The following HOOK3 variants were observed in gnomAD, a reference collection of about 807,000 sequenced individuals.
The protein encoded by HOOK3 is hook microtubule tethering protein 3.
A neutral mutation model predicts 116.3 loss-of-function variants in HOOK3; 24 were observed. The observed-to-expected ratio is 0.21, with a 90% CI of 0.15 to 0.29. HOOK3 has a LOEUF of 0.29. Among genes scored for constraint, HOOK3 ranks in the 10% least tolerant of loss-of-function variants. HOOK3 has a pLI of 1.00. For missense variants in HOOK3, 632 were observed against 830.2 expected, an observed-to-expected ratio of 0.76 and a Z score of 2.93; for synonymous variants, 275 against 283.0, an observed-to-expected ratio of 0.97 and a Z score of 0.28.
intron 3 of HOOK3, among the ~76,000 whole-genome samples, chr8:42,928,245 C>T (rs1470011043): frequency 1.3e-5 from 2 of 151,824 alleles, no homozygotes; most frequent in Non-Finnish European, 2.9e-5. Flanking sequence ...CGCCACTGCA[C>T]TCCAGCCTGG....
At chr8:42,986,181 T>C (rs1337994131) in intron 14 of HOOK3, among the ~76,000 whole-genome samples, 1 of 152,228 alleles carries the variant, frequency 6.6e-6, no homozygotes, top group Non-Finnish European at 1.5e-5. Context: ...TCCAGTAACC[T>C]GATTGTAATG....
chr8:43,027,598 A>T lies in HOOK3; in HGVS notation c.*9100A>T, dbSNP rs1360963418. 4.2e-6 allele frequency: 1 copy of T among 235,704 alleles called. No individual in the cohort carries two copies. The highest frequency in any genetic ancestry group is 8.6e-6 in the Non-Finnish European group (1 of 116,116). 14.6% of individuals were successfully genotyped at this position (235,704 alleles called of 1,614,324 possible). On this transcript the variant is annotated 3_prime_UTR_variant, in exon 22 of 22. Transcript: ENST00000307602. ...TGCTTTTTTTCTCTCCCAAATTAGA[A>T]AATTAAAAGTGAAACATAACACATA...
chr8:43,017,063 A>G (rs181896111), intron 21 of HOOK3, among the ~76,000 whole-genome samples: 26 of 152,318 alleles, frequency 1.7e-4, no homozygotes, highest in African/African-American at 6.0e-4. Flanking sequence ...TTCCCTAGAA[A>G]CCAGCTAGTG....
chr8:42,940,648 G>A (rs942043215), intron 4 of HOOK3, among the ~76,000 whole-genome samples: 1 of 152,184 alleles, frequency 6.6e-6, no homozygotes, highest in Non-Finnish European at 1.5e-5. Context: ...CCCTTTGTGG[G>A]CAACCCGACT....
In HOOK3 at chr8:42,973,358, C is replaced by A; in HGVS notation, c.1192C>A (p.Arg398=). The change falls in exon 12 of 22, where the codon CGG becomes AGG. Residue 398 remains arginine, a synonymous_variant. Coordinates refer to ENST00000307602, the MANE Select transcript of HOOK3 (RefSeq NM_032410.4). ...KADKLDFEYK[R]LKEKVDSLQK... ...AGATAAACTAGATTTTGAATATAAG[C>A]GGCTAAAAGAAAAAGTTGACAGTCT... 1.9e-6 allele frequency: 3 copies of A among 1,612,302 alleles called. No individual in the cohort carries two copies. Among genetic ancestry groups the A allele is most frequent in the Non-Finnish European group, 2.5e-6 (3 of 1,179,232 alleles).
Position 42,973,306 on chromosome 8 carries a change from C to G in HOOK3, c.1140C>G (p.Asn380Lys), listed in dbSNP as rs780327378. The stretch of plus-strand genomic sequence containing the variant: ...TGTATCAGGTAGTAGAACTACAAAA[C>G]AGATTATCCGAAGAATCAAAGAAAG... ...TYKRQVVELQ[N>K]RLSEESKKAD... Residue 380 changes from asparagine to lysine, a missense_variant, in exon 12 of 22, where the codon AAC (asparagine) becomes AAG (lysine). Physicochemically the swap from Asn to Lys is moderately conservative, Grantham distance 94. This residue lies in a region of HOOK3 where 483 missense variants were observed against 648.1 expected (regional missense o/e 0.75). Transcript: ENST00000307602. The G allele has an allele frequency of 6.8e-6, 11 of 1,611,004 alleles. No individual in the cohort carries two copies. Among genetic ancestry groups the G allele is most frequent in the Non-Finnish European group, 9.3e-6 (11 of 1,178,964 alleles).
chr8:43,009,337 C>G lies in HOOK3; in HGVS notation c.1739-968C>G, dbSNP rs1347720703. ...AGGAGAATCGCTTGAGCCCAGGAGG[C>G]AGAGGTTGGAGTGAGCCGAGATCTC... On this transcript the variant is annotated intron_variant, in intron 18 of 21. Coordinates refer to ENST00000307602, the MANE Select transcript of HOOK3 (RefSeq NM_032410.4). Among the ~76,000 whole-genome samples the G allele has an allele frequency of 2.0e-5, 3 of 150,890 alleles. No individual in the cohort carries two copies. In the East Asian group the frequency reaches 5.9e-4, roughly 30 times the overall value.
chr8:42,986,682 G>T lies in HOOK3; in HGVS notation c.1419G>T (p.Glu473Asp). Residue 473 changes from glutamate (E) to aspartate (D), a missense_variant, in exon 15 of 22, where the codon GAG (glutamate) becomes GAT (aspartate). Coordinates refer to ENST00000307602, the MANE Select transcript of HOOK3 (RefSeq NM_032410.4). Reference sequence around the variant, plus strand: ...AGAAACTTATTCGTCTTCAGCATGAGAATAAGATGTTAAAGCTTAACCAAG... The same window carrying T: ...AGAAACTTATTCGTCTTCAGCATGATAATAAGATGTTAAAGCTTAACCAAG... ...IREKLIRLQH[E>D]NKMLKLNQEG... 6.2e-7 allele frequency: 1 copy of T among 1,613,316 alleles called. No individual in the cohort carries two copies. The highest frequency in any genetic ancestry group is 8.5e-7 in the Non-Finnish European group (1 of 1,179,624).
Position 42,968,197 on chromosome 8 carries a change from G to A in HOOK3, c.1105G>A (p.Glu369Lys), listed in dbSNP as rs1246599255. The A allele has an allele frequency of 1.2e-6, 2 of 1,613,236 alleles. No homozygotes were observed. Among genetic ancestry groups the A allele is most frequent in the Non-Finnish European group, 1.7e-6 (2 of 1,179,516 alleles). ...RKANAARSQL[E>K]TYKRQVVELQ... The stretch of plus-strand genomic sequence containing the variant: ...GGCCAACGCAGCGCGAAGTCAACTT[G>A]AAACCTACAAGAGACAGGTAAAAGA... Residue 369 changes from glutamate to lysine, a missense_variant, in exon 11 of 22, where the codon GAA becomes AAA. This residue lies in a region of HOOK3 where 483 missense variants were observed against 648.1 expected (regional missense o/e 0.75). Coordinates refer to ENST00000307602, the MANE Select transcript of HOOK3 (RefSeq NM_032410.4).
At chr8:43,007,179 G>A (rs1005533994) in intron 17 of HOOK3, among the ~76,000 whole-genome samples, 3 of 151,630 alleles carry the variant, frequency 2.0e-5, no homozygotes, top group Admixed American at 6.6e-5. Context: ...CACCACACCC[G>A]GCTAATTTTT....
chr8:42,936,026 T>C (rs1030175215), intron 4 of HOOK3, among the ~76,000 whole-genome samples: 2 of 152,242 alleles, frequency 1.3e-5, no homozygotes, highest in African/African-American at 4.8e-5. Flanking sequence ...TCCATGAGCA[T>C]GGAATATTTG....
chr8:43,004,727 T>A (rs1296421894), intron 17 of HOOK3, among the ~76,000 whole-genome samples: 1 of 140,912 alleles, frequency 7.1e-6, no homozygotes, highest in Non-Finnish European at 1.6e-5. Flanking sequence ...ATTTTACACA[T>A]CAAATTGTTA....
chr8:42,956,223 CGT>C (rs61448463), intron 6 of HOOK3, among the ~76,000 whole-genome samples: 7,768 of 135,474 alleles, frequency 0.057, 311 homozygotes, highest in African/African-American at 0.12. Flanking sequence ...AGGATTAGGG[CGT>C]GTGTGTGTGT....
At chr8:42,899,815 T>G (rs1467970174) in intron 1 of HOOK3, among the ~76,000 whole-genome samples, 1 of 152,218 alleles carries the variant, frequency 6.6e-6, no homozygotes, top group East Asian at 1.9e-4. Context: ...ATTCCGTCTT[T>G]GGGATGACAG....
At chr8:42,967,747 G>A (rs1326855877) in intron 10 of HOOK3, among the ~76,000 whole-genome samples, 3 of 151,796 alleles carry the variant, frequency 2.0e-5, no homozygotes, top group Admixed American at 6.6e-5. Flanking sequence ...CAAATTATTC[G>A]GACACTGTTA....
At chr8:42,962,958 C>T (rs1303630450) in intron 8 of HOOK3, among the ~76,000 whole-genome samples, 3 of 151,922 alleles carry the variant, frequency 2.0e-5, no homozygotes, top group African/African-American at 4.8e-5. Flanking sequence ...TTTGCCACCA[C>T]GCCTGGCTAA....
chr8:42,930,188 T>TAG lies in HOOK3; in HGVS notation c.267+16_267+17insAG. ...TAATCATGAGGTAAAGACTTTTTTC[T>TAG]CATTCTGCTTAGAAGTGTTACTATC... On this transcript the variant is annotated intron_variant, in intron 4 of 21. Coordinates refer to ENST00000307602, the MANE Select transcript of HOOK3 (RefSeq NM_032410.4). 2 of 1,522,424 alleles carry TAG rather than the reference T, an allele frequency of 1.3e-6. No individual in the cohort carries two copies. The highest frequency in any genetic ancestry group is 1.8e-6 in the Non-Finnish European group (2 of 1,131,844). The allele number at this position is 1,522,424 out of a possible 1,614,324, so 94.3% of individuals were successfully genotyped here.
chr8:43,003,498 C>A (rs1809415868), intron 17 of HOOK3, among the ~76,000 whole-genome samples: 1 of 152,150 alleles, frequency 6.6e-6, no homozygotes, highest in Non-Finnish European at 1.5e-5. Context: ...TTTCATAGAA[C>A]TACCAACTGA....
chr8:42,909,097 C>T lies in HOOK3; in HGVS notation c.143+2839C>T, dbSNP rs1182676853. 2.6e-5 allele frequency among the ~76,000 whole-genome samples: 4 copies of T among 152,070 alleles called. No individual in the cohort carries two copies. The East Asian group carries it at 5.8e-4, about 22-fold the overall frequency. On this transcript the variant is annotated intron_variant, in intron 2 of 21. Transcript: ENST00000307602. ...TCACCAGGGAAATATAAATTAAAAC[C>T]GCAATGAGGTGTCACCTCACACCTA... is the stretch of plus-strand genomic sequence containing the variant.
Sources: gnomAD v4.1 joint callset for allele counts (sites outside exome capture counted in the v4.1 genomes callset) on GRCh38, gnomAD v4.1.1 for gene constraint, gnomAD v4.1.1 regional missense constraint, MANE v1.5 for transcripts, NCBI Gene and HGNC (gene_info 2026-07-23, HGNC 2026-07-21) for gene names.